Variants in PHACTR4 observed in about 807,000 individuals in gnomAD.
The protein encoded by PHACTR4 is protein phosphatase 1, regulatory subunit 124.
Under a neutral mutation model 72.7 loss-of-function variants are expected in PHACTR4, and 51 were observed. The observed-to-expected ratio is 0.70, with a 90% CI of 0.56 to 0.89. The LOEUF (loss-of-function observed/expected upper bound fraction) is 0.89, where lower values mean the gene tolerates loss of function less well. PHACTR4 is among the 40% of genes least tolerant of loss of function. The pLI is 0.00. For missense variants in PHACTR4, 731 were observed against 861.8 expected, an observed-to-expected ratio of 0.85 and a Z score of 1.90; for synonymous variants, 255 against 302.5, an observed-to-expected ratio of 0.84 and a Z score of 1.63.
intron 2 of PHACTR4, chr1:28,432,991 G>A (rs896208865): frequency 2.5e-6 from 2 of 802,994 alleles, no homozygotes; most frequent in Non-Finnish European, 3.0e-6. Flanking sequence ...AGCAACCCCC[G>A]CTTGGCCTCC....
At chr1:28,411,708 C>T (rs970429648) in intron 2 of PHACTR4, among the ~76,000 whole-genome samples, 28 of 152,080 alleles carry the variant, frequency 1.8e-4, no homozygotes, top group African/African-American at 6.8e-4. Context: ...ACAGTGTACA[C>T]GGCTTGGATG....
intron 9 of PHACTR4, among the ~76,000 whole-genome samples, chr1:28,482,609 T>G (rs1255859664): frequency 6.6e-6 from 1 of 152,188 alleles, no homozygotes; most frequent in Non-Finnish European, 1.5e-5. Flanking sequence ...TCATGTCTAC[T>G]AATTAAAATT....
At chr1:28,396,009 C>G (rs2124219552) in intron 1 of PHACTR4, among the ~76,000 whole-genome samples, 1 of 148,290 alleles carries the variant, frequency 6.7e-6, no homozygotes, top group East Asian at 1.9e-4. Flanking sequence ...AAAACTCAGT[C>G]CTTACTAAGA....
chr1:28,453,302 T>C (rs940208982), intron 2 of PHACTR4, among the ~76,000 whole-genome samples: 1 of 152,142 alleles, frequency 6.6e-6, no homozygotes, highest in African/African-American at 2.4e-5. Flanking sequence ...TGCAATATCA[T>C]AAATCTTGAA....
intron 2 of PHACTR4, among the ~76,000 whole-genome samples, chr1:28,440,147 A>G (rs1010748912): frequency 6.6e-6 from 1 of 151,364 alleles, no homozygotes; most frequent in Non-Finnish European, 1.5e-5. Context: ...TAAAAATACA[A>G]AAAAATCAGC....
Position 28,466,701 on chromosome 1 carries a change from G to A in PHACTR4, c.756G>A (p.Met252Ile). 6.2e-7 allele frequency: 1 copy of A among 1,613,996 alleles called. No individual in the cohort carries two copies. Among genetic ancestry groups the A allele is most frequent in the Middle Eastern group, 1.6e-4 (1 of 6,062 alleles). ...NTTATPSLTH[M>I]VPAKQPPIPP... ...CTGCTACCCCAAGCCTCACTCATAT[G>A]GTCCCTGCCAAGCAGCCCCCTATCC... The change falls in exon 6 of 14, where the codon ATG becomes ATA. Residue 252 changes from methionine (M) to isoleucine (I), a missense_variant. Around this residue, in one of 2 missense-constraint regions of PHACTR4, gnomAD observed 621 missense variants for 676.6 expected, o/e 0.92. Transcript: ENST00000373839.
Position 28,491,712 on chromosome 1 carries a change from T to C in PHACTR4, c.1941T>C (p.Tyr647=), listed in dbSNP as rs754209746. Residue 647 remains tyrosine (Y), a synonymous_variant, in exon 12 of 14, where the codon TAT becomes TAC. Coordinates refer to ENST00000373839, the MANE Select transcript of PHACTR4 (RefSeq NM_001048183.3). ...LARKILRFNE[Y]VEVTDAQDYD... is the part of the protein sequence containing the mutation. Reference sequence around the variant, plus strand: ...GGAAGATTCTGAGGTTTAATGAATATGTAGAGGTAACAGATGCTCAAGATT... The same window carrying C: ...GGAAGATTCTGAGGTTTAATGAATACGTAGAGGTAACAGATGCTCAAGATT... The C allele has an allele frequency of 2.6e-5, 42 of 1,614,170 alleles. No individual in the cohort carries two copies. Among genetic ancestry groups the C allele is most frequent in the Non-Finnish European group, 3.5e-5 (41 of 1,180,032 alleles).
intron 1 of PHACTR4, among the ~76,000 whole-genome samples, chr1:28,404,974 C>T (rs114864961): frequency 1.5e-4 from 23 of 152,088 alleles, no homozygotes; most frequent in African/African-American, 5.3e-4. Context: ...CATGTGTTCT[C>T]GGTTTAGCTC....
intron 3 of PHACTR4, among the ~76,000 whole-genome samples, 164 bp from the exon 4 acceptor site, chr1:28,460,048 G>T (rs753495627): frequency 2.0e-5 from 3 of 152,268 alleles, no homozygotes; most frequent in Admixed American, 6.5e-5. Flanking sequence ...GGTTATAAAA[G>T]AAATTTAAGA....
intron 1 of PHACTR4, among the ~76,000 whole-genome samples, chr1:28,377,300 G>A (rs1219874667): frequency 1.5e-4 from 23 of 149,502 alleles, no homozygotes; most frequent in African/African-American, 5.2e-4. Context: ...GTGCAGTGGC[G>A]TGAACTCAGC....
At chr1:28,412,362 A>G (rs939614874) in intron 2 of PHACTR4, among the ~76,000 whole-genome samples, 14 of 152,230 alleles carry the variant, frequency 9.2e-5, no homozygotes, top group Middle Eastern at 3.2e-3. Context: ...AGTCACACAA[A>G]TGCCTTTCCT....
intron 1 of PHACTR4, among the ~76,000 whole-genome samples, chr1:28,406,517 T>C (rs1654336678): frequency 6.6e-6 from 1 of 152,186 alleles, no homozygotes; most frequent in Non-Finnish European, 1.5e-5. Context: ...AACAGCAGTC[T>C]TCTCAAAAGC....
In PHACTR4 at chr1:28,473,671, T is replaced by G. The variant is rs1557838776; in HGVS notation, c.941T>G (p.Ile314Ser). Residue 314 changes from isoleucine to serine, a missense_variant, in exon 7 of 14, where the codon ATC becomes AGC. By Grantham distance (142) the Ile-to-Ser change is moderately radical (BLOSUM62 -2). This residue lies in a region of PHACTR4 where 621 missense variants were observed against 676.6 expected (regional missense o/e 0.92). Coordinates refer to ENST00000373839, the MANE Select transcript of PHACTR4 (RefSeq NM_001048183.3). ...CCCACCTTGGAGTCTGCTGCTGCCA[T>G]CACCACAAAAACACCAAGTGATGAA... ...SVPTLESAAA[I>S]TTKTPSDERE... 6.2e-7 allele frequency: 1 copy of G among 1,614,076 alleles called. No individual in the cohort carries two copies. The highest frequency in any genetic ancestry group is 2.2e-5 in the East Asian group (1 of 44,884).
At chr1:28,399,499 T>C (rs1012018649) in intron 1 of PHACTR4, among the ~76,000 whole-genome samples, 1 of 152,214 alleles carries the variant, frequency 6.6e-6, no homozygotes, top group African/African-American at 2.4e-5. Context: ...ATGGCTCACA[T>C]ACGTCATGGA....
intron 5 of PHACTR4, among the ~76,000 whole-genome samples, chr1:28,466,078 T>C (rs952136825): frequency 6.6e-6 from 1 of 152,164 alleles, no homozygotes; most frequent in African/African-American, 2.4e-5. Flanking sequence ...AAGTATCAGA[T>C]ACCTATAGGA....
intron 2 of PHACTR4, among the ~76,000 whole-genome samples, chr1:28,409,667 A>G (rs1485020608): frequency 9.2e-5 from 14 of 152,176 alleles, no homozygotes; most frequent in Admixed American, 5.2e-4. Flanking sequence ...AAATACTACT[A>G]TATAATACTA....
chr1:28,415,355 A>T (rs983918808), intron 2 of PHACTR4, among the ~76,000 whole-genome samples: 1 of 152,090 alleles, frequency 6.6e-6, no homozygotes, highest in Admixed American at 6.6e-5. Context: ...GAGGATGTGC[A>T]TAGAATTTGT....
chr1:28,387,847 C>T (rs930221463), intron 1 of PHACTR4, among the ~76,000 whole-genome samples: 4 of 152,120 alleles, frequency 2.6e-5, no homozygotes, highest in African/African-American at 9.7e-5. Flanking sequence ...CCTGCCTCAG[C>T]CTCCTGGGTA....
intron 13 of PHACTR4, 59 bp from the exon 14 acceptor site, chr1:28,496,475 A>G: frequency 6.3e-7 from 1 of 1,580,908 alleles, no homozygotes; most frequent in Admixed American, 1.7e-5. Flanking sequence ...CTACTGATAC[A>G]TTAATAGCAA....
Sources: gnomAD v4.1 joint callset for allele counts (sites outside exome capture counted in the v4.1 genomes callset) on GRCh38, gnomAD v4.1.1 for gene constraint, gnomAD v4.1.1 regional missense constraint, MANE v1.5 for transcripts, NCBI Gene and HGNC (gene_info 2026-07-23, HGNC 2026-07-21) for gene names.